The following EDN1 variants were observed in gnomAD, a reference collection of about 807,000 sequenced individuals.
EDN1 encodes the protein endothelin-1.
A neutral mutation model predicts 21.7 loss-of-function variants in EDN1; 11 were observed. The observed-to-expected ratio is 0.51, with a 90% CI of 0.32 to 0.84. The LOEUF (loss-of-function observed/expected upper bound fraction) is 0.84, where lower values mean the gene tolerates loss of function less well. EDN1 is among the 40% of genes least tolerant of loss of function. The pLI is 0.03. For synonymous variants in EDN1, 85 were observed against 90.6 expected (o/e 0.94, Z 0.35); for missense variants, 244 against 262.3 (o/e 0.93, Z 0.48).
At chr6:12,291,270 T>C (rs973582788) in intron 1 of EDN1, among the ~76,000 whole-genome samples, 1 of 139,476 alleles carries the variant, frequency 7.2e-6, no homozygotes, top group African/African-American at 2.6e-5. Flanking sequence ...GAAGCAGATG[T>C]TTTCTTTAAA....
the EDN1 span, among the ~76,000 whole-genome samples, chr6:12,268,414 C>A: frequency 6.6e-6 from 1 of 152,092 alleles, no homozygotes; most frequent in Admixed American, 6.5e-5. Flanking sequence ...AAAATGTTTT[C>A]CCTATGTTTT....
chr6:12,267,425 T>C, the EDN1 span, among the ~76,000 whole-genome samples: 1 of 152,174 alleles, frequency 6.6e-6, no homozygotes, highest in South Asian at 2.1e-4. Context: ...AAATGCCAGA[T>C]TGTTGATATG....
chr6:12,283,414 A>T, the EDN1 span, among the ~76,000 whole-genome samples: 5 of 151,002 alleles, frequency 3.3e-5, no homozygotes, highest in East Asian at 5.8e-4. Flanking sequence ...GCTGTAGGGA[A>T]TTTTTTTTTT....
At chr6:12,272,639 G>A in the EDN1 span, among the ~76,000 whole-genome samples, 1 of 96,392 alleles carries the variant, frequency 1.0e-5, no homozygotes, top group Non-Finnish European at 2.2e-5. Context: ...TTTTTTTTTT[G>A]TATTTTTAGT....
the EDN1 span, among the ~76,000 whole-genome samples, chr6:12,279,288 G>A: frequency 2.0e-5 from 3 of 152,128 alleles, no homozygotes; most frequent in African/African-American, 7.2e-5. Context: ...GGTAGCAGAG[G>A]CAGAGAGGGG....
chr6:12,261,728 T>G, the EDN1 span, among the ~76,000 whole-genome samples: 1 of 152,188 alleles, frequency 6.6e-6, no homozygotes, highest in Admixed American at 6.5e-5. Context: ...AGGTTTCACC[T>G]GGGATGAGGC....
the EDN1 span, among the ~76,000 whole-genome samples, chr6:12,253,360 C>A: frequency 7.2e-5 from 11 of 152,196 alleles, no homozygotes; most frequent in East Asian, 2.1e-3. Context: ...ATTAAACAGA[C>A]AAAAATTAAG....
the EDN1 span, among the ~76,000 whole-genome samples, chr6:12,240,861 C>A: frequency 6.6e-6 from 1 of 152,120 alleles, no homozygotes; most frequent in Non-Finnish European, 1.5e-5. Context: ...GTGGCTTTAT[C>A]TTGTCTCTTT....
chr6:12,292,292 T>C lies in EDN1; in HGVS notation c.65-49T>C, dbSNP rs10478712. On this transcript the variant is annotated intron_variant, in intron 1 of 4. Transcript: ENST00000379375. ...ACTCTACTGTGATCCAGCATGTCTCTCGGCGTTTGAGGAGACATCCCCCAC... is the reference window on the plus strand; with the variant it reads ...ACTCTACTGTGATCCAGCATGTCTCCCGGCGTTTGAGGAGACATCCCCCAC... 1.2e-5 allele frequency: 19 copies of C among 1,608,348 alleles called. 1 individual carries two copies. The Admixed American group carries it at 3.0e-4, about 25-fold the overall frequency.
At chr6:12,253,641 C>T in the EDN1 span, among the ~76,000 whole-genome samples, 1 of 152,116 alleles carries the variant, frequency 6.6e-6, no homozygotes, top group Non-Finnish European at 1.5e-5. Flanking sequence ...ATTGCTTAGA[C>T]AAAATAGAAG....
the EDN1 span, among the ~76,000 whole-genome samples, chr6:12,253,354 A>T: frequency 6.6e-6 from 1 of 152,252 alleles, no homozygotes; most frequent in Non-Finnish European, 1.5e-5. Context: ...CAGTAAATTA[A>T]ACAGACAAAA....
chr6:12,277,167 C>T, the EDN1 span, among the ~76,000 whole-genome samples: 2 of 152,002 alleles, frequency 1.3e-5, no homozygotes, highest in Non-Finnish European at 2.9e-5. Flanking sequence ...GAGAAAATGA[C>T]ACTAGAGGCT....
At chr6:12,251,551 G>A in the EDN1 span, among the ~76,000 whole-genome samples, 1 of 152,136 alleles carries the variant, frequency 6.6e-6, no homozygotes, top group Admixed American at 6.6e-5. Flanking sequence ...AAAAGTTAAA[G>A]AAACCAATAA....
the EDN1 span, among the ~76,000 whole-genome samples, chr6:12,273,259 G>T: frequency 4.6e-5 from 7 of 152,210 alleles, no homozygotes; most frequent in Non-Finnish European, 8.8e-5. Context: ...TGCATTTCAG[G>T]CCCGTGGAAA....
upstream of EDN1, among the ~76,000 whole-genome samples, chr6:12,289,197 A>T (rs984440318): frequency 6.6e-6 from 1 of 152,186 alleles, no homozygotes; most frequent in Admixed American, 6.5e-5. Context: ...ACATTATTAA[A>T]TGTGAAGTAT....
the EDN1 span, among the ~76,000 whole-genome samples, chr6:12,246,375 A>G: frequency 1.9e-4 from 29 of 152,204 alleles, no homozygotes; most frequent in African/African-American, 6.5e-4. Flanking sequence ...ACTTCTTAAC[A>G]TTTGAGAAAA....
chr6:12,291,478 C>T (rs1427468215), intron 1 of EDN1, among the ~76,000 whole-genome samples: 3 of 152,048 alleles, frequency 2.0e-5, no homozygotes, highest in Non-Finnish European at 4.4e-5. Context: ...TTTGTCTTTT[C>T]GTGACCCTGA....
the EDN1 span, among the ~76,000 whole-genome samples, chr6:12,253,340 A>G: frequency 6.6e-6 from 1 of 152,250 alleles, no homozygotes; most frequent in South Asian, 2.1e-4. Flanking sequence ...CAATGAGATT[A>G]CAACAGTAAA....
chr6:12,274,424 T>G, the EDN1 span, among the ~76,000 whole-genome samples: 11 of 152,224 alleles, frequency 7.2e-5, no homozygotes, highest in African/African-American at 2.4e-4. Context: ...TACTATATCA[T>G]GGAAAGTCCT....
Sources: gnomAD v4.1 joint callset for allele counts (sites outside exome capture counted in the v4.1 genomes callset) on GRCh38, gnomAD v4.1.1 for gene constraint, MANE v1.5 for transcripts, NCBI Gene and HGNC (gene_info 2026-07-23, HGNC 2026-07-21) for gene names.